The following MMP28 variants were observed in gnomAD, a reference collection of about 807,000 sequenced individuals.
The protein encoded by MMP28 is matrix metalloproteinase-28.
Under a neutral mutation model 60.5 loss-of-function variants are expected in MMP28, and 55 were observed. That is an observed-to-expected ratio of 0.91 (90% CI 0.73 to 1.14). The LOEUF (loss-of-function observed/expected upper bound fraction) is 1.14, where lower values mean the gene tolerates loss of function less well. Ranked by LOEUF, MMP28 falls within the 50% of genes most tolerant of loss-of-function variation. The probability of loss-of-function intolerance (pLI) is 0.00; values close to 1 mark genes in which losing one functional copy is unlikely to be tolerated. For synonymous variants in MMP28, 318 were observed against 312.5 expected (o/e 1.02, Z -0.18); for missense variants, 686 against 738.3 (o/e 0.93, Z 0.82).
chr17:35,793,353 C>A (rs1043734123), intron 1 of MMP28, among the ~76,000 whole-genome samples: 1 of 152,136 alleles, frequency 6.6e-6, no homozygotes, highest in Admixed American at 6.5e-5. Context: ...CCCGCACTTG[C>A]AGGGAGGTGG....
chr17:35,756,425 G>T (rs760360827), intron 2 of MMP28: 15 of 983,598 alleles, frequency 1.5e-5, no homozygotes, highest in Non-Finnish European at 1.7e-5. Flanking sequence ...TCAGGCTGCA[G>T]TAAAGCAGAA....
chr17:35,770,057 G>C lies in MMP28; in HGVS notation c.850+10C>G. 6.5e-7 allele frequency: 1 copy of C among 1,545,632 alleles called. No individual in the cohort carries two copies. Among genetic ancestry groups the C allele is most frequent in the Non-Finnish European group, 8.7e-7 (1 of 1,146,084 alleles). On this transcript the variant is annotated intron_variant, in intron 5 of 7. Transcript: ENST00000605424. ...TGGGACCAAGAGCGGGGCATGTCCC[G>C]GGGCCTCACCATACAGGCTCTGCAC...
intron 1 of MMP28, among the ~76,000 whole-genome samples, chr17:35,789,865 A>T (rs1380993534): frequency 6.6e-6 from 1 of 151,256 alleles, no homozygotes; most frequent in Non-Finnish European, 1.5e-5. Flanking sequence ...GGTTTCAAGC[A>T]ATTCTCCTGT....
At chr17:35,786,443 G>A (rs1258111563) in intron 1 of MMP28, among the ~76,000 whole-genome samples, 1 of 152,120 alleles carries the variant, frequency 6.6e-6, no homozygotes, top group Non-Finnish European at 1.5e-5. Context: ...CCAAATGCAT[G>A]CAGAAACTGT....
rs777645399 is a variant in MMP28, at chr17:35,766,873, C to T, written c.1190G>A (p.Arg397Gln). ...FFKGGRCWRFRGPKPVWGLPQ... is the reference protein window; with the variant it reads ...FFKGGRCWRFQGPKPVWGLPQ... Reference sequence around the variant, plus strand: ...GAGACCCCACACTGGCTTGGGGCCCCGGAACCTCCAGCATCGACCCCCTGT... The same window carrying T: ...GAGACCCCACACTGGCTTGGGGCCCTGGAACCTCCAGCATCGACCCCCTGT... The change falls in exon 8 of 8, where the codon CGG becomes CAG. Residue 397 changes from arginine to glutamine, a missense_variant. Transcript: ENST00000605424. This position sits in a 1 kb window ranked among gnomAD's most constrained non-coding sequence, Gnocchi z 4.3. 2.8e-5 allele frequency: 44 copies of T among 1,578,680 alleles called. No individual in the cohort carries two copies. Among genetic ancestry groups the T allele is most frequent in the South Asian group, 7.0e-5 (6 of 85,942 alleles).
downstream of MMP28, among the ~76,000 whole-genome samples, chr17:35,765,290 C>A (rs1555602644): frequency 6.6e-6 from 1 of 152,216 alleles, no homozygotes; most frequent in Admixed American, 6.5e-5. Context: ...GAGGGCTGAA[C>A]CCTTGCCAGA....
intron 7 of MMP28, chr17:35,767,136 G>A: frequency 1.4e-6 from 1 of 700,640 alleles, no homozygotes; most frequent in Non-Finnish European, 2.6e-6. Flanking sequence ...GCCCCGAAAG[G>A]AAGGCCCAGA....
At chr17:35,767,972 T>C in intron 6 of MMP28, 53 bp from the exon 7 acceptor site, 1 of 1,525,976 alleles carries the variant, frequency 6.6e-7, no homozygotes. Flanking sequence ...CCTGCTGTCT[T>C]TCCAGGAAAG....
rs200165337 is a variant in MMP28 at position 35,786,699 on chromosome 17, C to CAAAAAAAAAAAAAAAAAAA, written c.112-7377_112-7376insTTTTTTTTTTTTTTTTTTT. ...GCCTCATAGTGAGATCCTGTCTCTA[C>CAAAAAAAAAAAAAAAAAAA]AAAAAAAAAAAAAAAAGATGAATGA... On this transcript the variant is annotated intron_variant, in intron 1 of 7. Coordinates refer to ENST00000605424, the MANE Select transcript of MMP28 (RefSeq NM_024302.5). Among the ~76,000 whole-genome samples, 26 of 71,052 alleles carry CAAAAAAAAAAAAAAAAAAA rather than the reference C, an allele frequency of 3.7e-4. 2 individuals are homozygous for CAAAAAAAAAAAAAAAAAAA. Among genetic ancestry groups the CAAAAAAAAAAAAAAAAAAA allele is most frequent in the African/African-American group, 1.5e-3 (24 of 15,760 alleles). The allele number at this position is 71,052 out of a possible 152,430, so 46.6% of individuals were successfully genotyped here. A position where few individuals can be genotyped will look rare whatever the true frequency, so the allele number is the denominator to read the frequency against.
chr17:35,759,601 T>G (rs1361598743), intron 2 of MMP28, among the ~76,000 whole-genome samples: 1 of 152,104 alleles, frequency 6.6e-6, no homozygotes, highest in African/African-American at 2.4e-5. Context: ...CTTGGGAGGC[T>G]GAGGCAGGAG....
intron 4 of MMP28, among the ~76,000 whole-genome samples, chr17:35,771,291 CG>C (rs958100554): frequency 6.6e-6 from 1 of 151,728 alleles, no homozygotes; most frequent in Non-Finnish European, 1.5e-5. Context: ...AGTAGCCAGG[CG>C]TGGTGGCGGG....
rs1555603362 is a variant in MMP28, at chr17:35,766,683, T to A, written c.1380A>T (p.Gly460=). ...PYYPRSLQDW[G]GIPEEVSGAL... ...CGCCGCTGACCTCCTCAGGGATGCC[T>A]CCCCAGTCCTGCAGACTTCGGGGGT... Residue 460 remains glycine, a synonymous_variant, in exon 8 of 8, where the codon GGA becomes GGT. Transcript: ENST00000605424. This position sits in a 1 kb window ranked among gnomAD's most constrained non-coding sequence, Gnocchi z 4.3. The A allele has an allele frequency of 1.2e-6, 2 of 1,608,224 alleles. No individual in the cohort carries two copies. Among genetic ancestry groups the A allele is most frequent in the East Asian group, 2.2e-5 (1 of 44,678 alleles).
intron 3 of MMP28, among the ~76,000 whole-genome samples, chr17:35,775,328 A>T (rs1555607320): frequency 1.3e-5 from 2 of 152,168 alleles, no homozygotes. Flanking sequence ...CCATGGAGAA[A>T]GCTAGCCGCT....
At chr17:35,792,284 A>G (rs2086836349) in intron 1 of MMP28, among the ~76,000 whole-genome samples, 1 of 152,008 alleles carries the variant, frequency 6.6e-6, no homozygotes, top group African/African-American at 2.4e-5. Context: ...CATAAAAAGG[A>G]TATAGTTCCT....
At chr17:35,761,326 G>A (rs1330035747), downstream of MMP28, among the ~76,000 whole-genome samples, 1 of 151,732 alleles carries the variant, frequency 6.6e-6, no homozygotes, top group Non-Finnish European at 1.5e-5. Context: ...GGCCAGGCTG[G>A]TCGCGAACTC....
intron 5 of MMP28, 34 bp downstream of exon 5, chr17:35,770,032 TG>T: frequency 6.6e-7 from 1 of 1,509,878 alleles, no homozygotes; most frequent in Non-Finnish European, 8.8e-7. Flanking sequence ...GGGGCAGGAG[TG>T]GGACCAAGAG....
At chr17:35,777,401 C>A (rs1214728198) in intron 3 of MMP28, among the ~76,000 whole-genome samples, 23 of 152,202 alleles carry the variant, frequency 1.5e-4, no homozygotes, top group Admixed American at 1.5e-3. Flanking sequence ...ACCAGGAAAG[C>A]AAGCAGTCAG....
At chr17:35,768,740 G>A (rs185857003) in intron 5 of MMP28, among the ~76,000 whole-genome samples, 115 of 152,292 alleles carry the variant, frequency 7.6e-4, no homozygotes, top group African/African-American at 2.7e-3. Context: ...AATCCGAGAG[G>A]TGGAGGTTGC....
At chr17:35,761,501 C>A (rs1319106058), downstream of MMP28, among the ~76,000 whole-genome samples, 1 of 151,840 alleles carries the variant, frequency 6.6e-6, no homozygotes. Context: ...GCAGTCTCAA[C>A]CTCCCAGGCA....
Sources: allele counts gnomAD v4.1 joint callset (sites outside exome capture counted in the v4.1 genomes callset), GRCh38; gene constraint gnomAD v4.1.1; non-coding constraint Gnocchi (gnomAD v3.1); transcripts MANE v1.5; gene names NCBI Gene and HGNC (gene_info 2026-07-23, HGNC 2026-07-21).